The following ATP6V0D1 variants were observed in gnomAD, a reference collection of about 807,000 sequenced individuals.
ATP6V0D1 encodes V-type proton ATPase subunit d 1.
In ATP6V0D1, 13 loss-of-function variants were observed where a neutral mutation model predicts 39.0. The observed-to-expected ratio is 0.33, with a 90% confidence interval of 0.22 to 0.53. The LOEUF (loss-of-function observed/expected upper bound fraction) is 0.53, where lower values mean the gene tolerates loss of function less well. ATP6V0D1 is among the 20% of genes least tolerant of loss of function. The pLI is 0.94. For synonymous variants in ATP6V0D1, 191 were observed against 191.2 expected (o/e 1.00, Z 0.01); for missense variants, 272 against 470.9 (o/e 0.58, Z 3.91).
chr16:67,455,354 C>A (rs894887550), intron 1 of ATP6V0D1: 3 of 152,124 alleles, frequency 2.0e-5, no homozygotes, highest in African/African-American at 7.2e-5. Context: ...GAAGACAGCC[C>A]CAACCTGGAG....
At position 67,481,023 on chromosome 16, in the gene ATP6V0D1, C is replaced by G; in HGVS notation, c.64G>C (p.Gly22Arg). The G allele has an allele frequency of 6.2e-7, 1 of 1,614,200 alleles. No homozygotes were observed. The highest frequency in any genetic ancestry group is 8.5e-7 in the Non-Finnish European group (1 of 1,180,006). The change falls in exon 1 of 8, where the codon GGC (glycine) becomes CGC (arginine). Residue 22 changes from glycine (G) to arginine (R), a missense_variant. Around this residue, in one of 4 missense-constraint regions of ATP6V0D1, gnomAD observed 81 missense variants for 96.0 expected, o/e 0.84. Transcript: ENST00000290949. ...DNGYLEGLVRGLKAGVLSQAD... is the reference protein window; with the variant it reads ...DNGYLEGLVRRLKAGVLSQAD... ...TGGCTGAGCACCCCGGCCTTCAGGCCGCGCACCAGTCCCTCCAAGTAGCCA... is the reference window on the plus strand; with the variant it reads ...TGGCTGAGCACCCCGGCCTTCAGGCGGCGCACCAGTCCCTCCAAGTAGCCA...
chr16:67,446,121 G>C (rs2041111942), intron 2 of ATP6V0D1, among the ~76,000 whole-genome samples: 1 of 152,146 alleles, frequency 6.6e-6, no homozygotes, highest in Non-Finnish European at 1.5e-5. Flanking sequence ...ACCTTGGTAG[G>C]AGGTGTCTTC....
At chr16:67,479,139 C>A (rs929063681) in intron 1 of ATP6V0D1, among the ~76,000 whole-genome samples, 1 of 152,084 alleles carries the variant, frequency 6.6e-6, no homozygotes, top group Non-Finnish European at 1.5e-5. Flanking sequence ...CACCTCCACT[C>A]ACATAAGTAA....
rs141583986 is a variant in ATP6V0D1 at position 67,446,694 on chromosome 16, C to T, written c.303-1988G>A. ...AACCCATGCTGCATATGCGCCACCC[C>T]GCAATACTCTAACTGCACCCCATCC... On this transcript the variant is annotated intron_variant, in intron 2 of 7. Coordinates refer to ENST00000290949, the MANE Select transcript of ATP6V0D1 (RefSeq NM_004691.5). 5.3e-5 allele frequency among the ~76,000 whole-genome samples: 8 copies of T among 152,282 alleles called. No homozygotes were observed. The East Asian group carries it at 9.7e-4, about 18-fold the overall frequency.
intron 1 of ATP6V0D1, among the ~76,000 whole-genome samples, chr16:67,474,830 TACA>T (rs1215647317): frequency 6.6e-6 from 1 of 152,224 alleles, no homozygotes; most frequent in Non-Finnish European, 1.5e-5. Context: ...TTCTCACTTC[TACA>T]ACGTGTTCCT....
At chr16:67,462,920 G>A (rs990552601) in intron 1 of ATP6V0D1, among the ~76,000 whole-genome samples, 2 of 152,062 alleles carry the variant, frequency 1.3e-5, no homozygotes, top group African/African-American at 4.8e-5. Context: ...TCTTGATGCT[G>A]GGCTCCTGTT....
chr16:67,478,603 G>T (rs891963017), intron 1 of ATP6V0D1, among the ~76,000 whole-genome samples: 1 of 140,230 alleles, frequency 7.1e-6, no homozygotes, highest in Admixed American at 7.4e-5. Context: ...GACAGGGCTA[G>T]ACTCTGTCTC....
intron 1 of ATP6V0D1, among the ~76,000 whole-genome samples, chr16:67,472,494 A>T (rs1326684877): frequency 1.3e-5 from 2 of 152,234 alleles, no homozygotes; most frequent in Non-Finnish European, 2.9e-5. Flanking sequence ...AGCTAAGCTC[A>T]TCTTGCTGTC....
In ATP6V0D1 at chr16:67,438,461, G is replaced by GCACACACACGCGCACACACACA; in HGVS notation, c.*45_*66dup. Reference sequence around the variant, plus strand: ...TGTCACAGACCACATACACACACACGCACACACACGCGCACACACACACAC... The same window carrying GCACACACACGCGCACACACACA: ...TGTCACAGACCACATACACACACACGCACACACACGCGCACACACACACACACACACGCGCACACACACACAC... On this transcript the variant is annotated 3_prime_UTR_variant, in exon 8 of 8. Coordinates refer to ENST00000290949, the MANE Select transcript of ATP6V0D1 (RefSeq NM_004691.5). 1 of 1,536,484 alleles carries GCACACACACGCGCACACACACA rather than the reference G, an allele frequency of 6.5e-7. No individual in the cohort carries two copies. Among genetic ancestry groups the GCACACACACGCGCACACACACA allele is most frequent in the East Asian group, 2.3e-5 (1 of 42,766 alleles).
Position 67,438,280 on chromosome 16 carries a change from G to A in ATP6V0D1, c.*248C>T. 1 of 554,246 alleles carries A rather than the reference G, an allele frequency of 1.8e-6. No individual in the cohort carries two copies. The highest frequency in any genetic ancestry group is 1.9e-5 in the African/African-American group (1 of 52,980). The allele number at this position is 554,246 out of a possible 1,614,324, so 34.3% of individuals were successfully genotyped here. A position where few individuals can be genotyped will look rare whatever the true frequency, so the allele number is the denominator to read the frequency against. ...CGGCTGTAACCACAGGGCTGAGGGG[G>A]CCTCCTTGCTCTGGAGGGGGTCTTC... On this transcript the variant is annotated 3_prime_UTR_variant, in exon 8 of 8. Transcript: ENST00000290949.
At position 67,452,429 on chromosome 16, in the gene ATP6V0D1, G is replaced by A. The variant is rs148762063; in HGVS notation, c.302+1115C>T. 3.3e-6 allele frequency: 5 copies of A among 1,531,836 alleles called. No homozygotes were observed. In the Admixed American group the frequency reaches 9.8e-5, roughly 30 times the overall value. 94.9% of individuals were successfully genotyped at this position (1,531,836 alleles called of 1,614,324 possible). A position where few individuals can be genotyped will look rare whatever the true frequency, so the allele number is the denominator to read the frequency against. ...GATCCTGGGCAAGTGGCTCCTAACT[G>A]CAGGGGATAAGAATCAGGCCAGGCA... On this transcript the variant is annotated intron_variant, in intron 2 of 7. Coordinates refer to ENST00000290949, the MANE Select transcript of ATP6V0D1 (RefSeq NM_004691.5).
At position 67,438,524 on chromosome 16, in the gene ATP6V0D1, G is replaced by T; in HGVS notation, c.*4C>A. 6.2e-7 allele frequency: 1 copy of T among 1,614,106 alleles called. No individual in the cohort carries two copies. The highest frequency in any genetic ancestry group is 8.5e-7 in the Non-Finnish European group (1 of 1,179,994). The stretch of plus-strand genomic sequence containing the variant: ...AGTGCAATTGAGAGCCTTGGGCCAG[G>T]ACGCTAGAAGATAGGGATGTAGTTG... On this transcript the variant is annotated 3_prime_UTR_variant, in exon 8 of 8. Coordinates refer to ENST00000290949, the MANE Select transcript of ATP6V0D1 (RefSeq NM_004691.5).
chr16:67,479,309 G>C (rs767605529), intron 1 of ATP6V0D1, among the ~76,000 whole-genome samples: 3 of 151,238 alleles, frequency 2.0e-5, no homozygotes, highest in African/African-American at 7.3e-5. Flanking sequence ...TGCCTCCCAG[G>C]TTCAAGCAAT....
chr16:67,462,872 G>A (rs1365694266), intron 1 of ATP6V0D1, among the ~76,000 whole-genome samples: 1 of 152,000 alleles, frequency 6.6e-6, no homozygotes, highest in Non-Finnish European at 1.5e-5. Context: ...CTAGCTTCTG[G>A]GTCTGCTGGC....
At position 67,438,594 on chromosome 16, in the gene ATP6V0D1, C is replaced by G. The variant is rs377289330; in HGVS notation, c.990G>C (p.Val330=). ...KLKEQECRNI[V]WIAECIAQRH... is the part of the protein sequence containing the mutation. Reference sequence around the variant, plus strand: ...GCTGGGCGATACATTCAGCGATCCACACGATGTTGCGACACTCCTGCTCCT... The same window carrying G: ...GCTGGGCGATACATTCAGCGATCCAGACGATGTTGCGACACTCCTGCTCCT... Residue 330 remains valine (V), a synonymous_variant, in exon 8 of 8, where the codon GTG becomes GTC. Transcript: ENST00000290949. The G allele has an allele frequency of 1.8e-5, 29 of 1,614,138 alleles. No individual in the cohort carries two copies. The highest frequency in any genetic ancestry group is 1.6e-4 in the Middle Eastern group (1 of 6,084).
intron 1 of ATP6V0D1, among the ~76,000 whole-genome samples, chr16:67,463,112 A>G (rs1260111172): frequency 6.6e-6 from 1 of 152,178 alleles, no homozygotes; most frequent in Non-Finnish European, 1.5e-5. Context: ...CCCAAAGGAG[A>G]AAAGTAGGAA....
chr16:67,452,522 G>T (rs745612458), intron 2 of ATP6V0D1: 40 of 849,408 alleles, frequency 4.7e-5, no homozygotes, highest in Non-Finnish European at 7.1e-5. Context: ...GGAAAAGAGT[G>T]GGGGCACCAT....
At chr16:67,448,196 A>G (rs1041138114) in intron 2 of ATP6V0D1, among the ~76,000 whole-genome samples, 1 of 152,006 alleles carries the variant, frequency 6.6e-6, no homozygotes, top group Non-Finnish European at 1.5e-5. Flanking sequence ...TTAAAAAATC[A>G]AAAAAATTAG....
At chr16:67,439,605 TAC>T (rs1164908165) in intron 4 of ATP6V0D1, 1 of 556,388 alleles carries the variant, frequency 1.8e-6, no homozygotes, top group Non-Finnish European at 3.2e-6. Flanking sequence ...TGCTTCAGGC[TAC>T]AGTCTCCTTC....
Sources: gnomAD v4.1 joint callset for allele counts (sites outside exome capture counted in the v4.1 genomes callset) on GRCh38, gnomAD v4.1.1 for gene constraint, gnomAD v4.1.1 regional missense constraint, MANE v1.5 for transcripts, NCBI Gene and HGNC (gene_info 2026-07-23, HGNC 2026-07-21) for gene names.